Variants in CALN1 observed in about 807,000 individuals in gnomAD.
CALN1 encodes the protein calcium-binding protein 8.
CALN1 carries 17 observed loss-of-function variants against 30.6 expected under a neutral mutation model. The ratio of observed to expected loss-of-function variants is 0.56; its 90% CI spans 0.38 to 0.83. The LOEUF is 0.83. CALN1 is among the 40% of genes least tolerant of loss of function. The pLI is 0.00. For synonymous variants in CALN1, 156 were observed against 131.4 expected (o/e 1.19, Z -1.28); for missense variants, 291 against 354.9 (o/e 0.82, Z 1.45).
chr7:72,101,487 G>C (rs1806663924), intron 4 of CALN1, among the ~76,000 whole-genome samples: 1 of 152,066 alleles, frequency 6.6e-6, no homozygotes, highest in African/African-American at 2.4e-5. Flanking sequence ...GGCCTACAAA[G>C]ACATGGTGAG....
At chr7:71,985,422 T>C (rs191298439) in intron 5 of CALN1, among the ~76,000 whole-genome samples, 37 of 152,060 alleles carry the variant, frequency 2.4e-4, no homozygotes, top group Admixed American at 1.3e-3. Flanking sequence ...GGTGGAAGGA[T>C]TGAATGAGCC....
Position 72,311,028 on chromosome 7 carries a change from T to C in CALN1, c.120-32218A>G, listed in dbSNP as rs573895872. 9.9e-5 allele frequency among the ~76,000 whole-genome samples: 15 copies of C among 152,144 alleles called. No individual in the cohort carries two copies. The East Asian group carries it at 2.9e-3, about 29-fold the overall frequency. On this transcript the variant is annotated intron_variant, in intron 2 of 6. Transcript: ENST00000395275. ...CTTATGCATGGAATTTTTCCAGTTA[T>C]GCCAAGTGTGCCTTTCTCTCCTGCA...
chr7:72,256,217 A>G (rs186620119), intron 3 of CALN1, among the ~76,000 whole-genome samples: 3 of 152,266 alleles, frequency 2.0e-5, no homozygotes, highest in Non-Finnish European at 1.5e-5. Flanking sequence ...CCAGCTGTTT[A>G]GGAGGCCTAC....
intron 2 of CALN1, among the ~76,000 whole-genome samples, chr7:72,320,879 C>T (rs1482215378): frequency 6.6e-6 from 1 of 150,712 alleles, no homozygotes; most frequent in East Asian, 1.9e-4. Context: ...GCAGCCTAAC[C>T]TAGCAGGTTA....
At chr7:72,416,188 A>T (rs1253420692), upstream of CALN1, among the ~76,000 whole-genome samples, 1 of 152,178 alleles carries the variant, frequency 6.6e-6, no homozygotes, top group Non-Finnish European at 1.5e-5. Context: ...ATGACAGTTT[A>T]CCATTGCCAT....
At chr7:72,380,239 A>T (rs532016912) in intron 2 of CALN1, among the ~76,000 whole-genome samples, 2 of 152,182 alleles carry the variant, frequency 1.3e-5, no homozygotes, top group East Asian at 3.9e-4. Context: ...CCAAGCTTCA[A>T]TGAAAATGAA....
At chr7:72,214,418 G>T (rs1038356312) in intron 3 of CALN1, among the ~76,000 whole-genome samples, 1 of 152,064 alleles carries the variant, frequency 6.6e-6, no homozygotes, top group Non-Finnish European at 1.5e-5. Context: ...GGTGGAGGCT[G>T]CAGTGAGCCA....
intron 5 of CALN1, among the ~76,000 whole-genome samples, chr7:71,860,841 C>T (rs902749726): frequency 6.6e-6 from 1 of 152,084 alleles, no homozygotes; most frequent in Non-Finnish European, 1.5e-5. Flanking sequence ...ATGCCTGAAT[C>T]CTCCCTGGGT....
intron 3 of CALN1, among the ~76,000 whole-genome samples, chr7:72,106,893 AAG>A (rs912794097): frequency 3.8e-4 from 57 of 149,516 alleles, no homozygotes; most frequent in African/African-American, 1.3e-3. Context: ...GGAAAGAAGA[AAG>A]AAAAAGGAAG....
chr7:72,499,342 A>G, the CALN1 span, among the ~76,000 whole-genome samples: 5 of 152,090 alleles, frequency 3.3e-5, no homozygotes, highest in African/African-American at 1.2e-4. Context: ...GCTGAAAGAA[A>G]TCTTTTAGGC....
chr7:72,095,741 G>A (rs1806172306), intron 4 of CALN1, among the ~76,000 whole-genome samples: 1 of 152,086 alleles, frequency 6.6e-6, no homozygotes, highest in Admixed American at 6.6e-5. Flanking sequence ...TTGGTAAAAG[G>A]AAAATTCTGG....
intron 3 of CALN1, among the ~76,000 whole-genome samples, chr7:72,270,333 A>C (rs1049753388): frequency 6.6e-6 from 1 of 152,198 alleles, no homozygotes; most frequent in Non-Finnish European, 1.5e-5. Context: ...AAACTAAATA[A>C]ATAAATTCTA....
upstream of CALN1, among the ~76,000 whole-genome samples, chr7:72,414,075 G>A (rs776588422): frequency 2.6e-5 from 4 of 151,866 alleles, no homozygotes; most frequent in Non-Finnish European, 4.4e-5. Flanking sequence ...CACTAATACC[G>A]TATCTTCCCA....
chr7:72,080,378 T>C (rs2129538646), intron 4 of CALN1, among the ~76,000 whole-genome samples: 1 of 152,328 alleles, frequency 6.6e-6, no homozygotes, highest in East Asian at 1.9e-4. Context: ...AAAACCCGTG[T>C]CACAGGGATT....
At chr7:72,000,589 C>T (rs1799475446) in intron 5 of CALN1, among the ~76,000 whole-genome samples, 1 of 151,970 alleles carries the variant, frequency 6.6e-6, no homozygotes, top group Non-Finnish European at 1.5e-5. Context: ...AAAATTCTAC[C>T]ATTTAAATAT....
At chr7:71,828,996 C>T (rs932072231) in intron 5 of CALN1, among the ~76,000 whole-genome samples, 5 of 151,938 alleles carry the variant, frequency 3.3e-5, no homozygotes, top group South Asian at 2.1e-4. Flanking sequence ...TGATCCATCT[C>T]GGCCTCCCAA....
intron 4 of CALN1, among the ~76,000 whole-genome samples, chr7:72,048,873 T>C (rs1802656546): frequency 2.0e-5 from 3 of 151,880 alleles, no homozygotes; most frequent in African/African-American, 2.4e-5. Context: ...CGTGCCATGA[T>C]TATAGCTCTC....
rs1221344185 is a variant in CALN1 at position 72,412,184 on chromosome 7, G to C, written c.-200C>G. ...GCGTCCGGAGTCGTCTGCTCCTCCC[G>C]GTGGGCTTGCGGTCTTGCTGACTTC... is the stretch of plus-strand genomic sequence containing the variant. On this transcript the variant is annotated 5_prime_UTR_variant, in exon 1 of 7. Transcript: ENST00000395275. 1 of 152,694 alleles carries C rather than the reference G, an allele frequency of 6.5e-6. No individual in the cohort carries two copies. The highest frequency in any genetic ancestry group is 1.5e-5 in the Non-Finnish European group (1 of 68,210). 9.5% of individuals were successfully genotyped at this position (152,694 alleles called of 1,614,324 possible).
chr7:71,784,417 A>T lies in CALN1; in HGVS notation c.*3358T>A, dbSNP rs1170454702. 6.0e-6 allele frequency: 1 copy of T among 165,646 alleles called. No homozygotes were observed. Among genetic ancestry groups the T allele is most frequent in the East Asian group, 1.6e-4 (1 of 6,186 alleles). The allele number at this position is 165,646 out of a possible 1,614,324, so 10.3% of individuals were successfully genotyped here. ...CTCAGGGTGGAATGCAAGGGTTGCC[A>T]TGGTAATATCCCTCTTTTTTTTTTG... is the stretch of plus-strand genomic sequence containing the variant. On this transcript the variant is annotated 3_prime_UTR_variant, in exon 7 of 7. Transcript: ENST00000395275.
Sources: allele counts gnomAD v4.1 joint callset (sites outside exome capture counted in the v4.1 genomes callset), GRCh38; gene constraint gnomAD v4.1.1; transcripts MANE v1.5; gene names NCBI Gene and HGNC (gene_info 2026-07-23, HGNC 2026-07-21).